The following EYA1 variants were observed in gnomAD, a reference collection of about 807,000 sequenced individuals.
The protein encoded by EYA1 is protein phosphatase EYA1.
In EYA1, 16 loss-of-function variants were observed where a neutral mutation model predicts 82.0. The observed-to-expected ratio is 0.20, with a 90% CI of 0.13 to 0.30. The LOEUF (loss-of-function observed/expected upper bound fraction) is 0.30. EYA1 is among the 10% of genes least tolerant of loss of function. EYA1 has a pLI of 1.00. For missense variants in EYA1, 633 were observed against 730.7 expected (o/e 0.87, Z 1.54); for synonymous variants, 261 against 264.4 (o/e 0.99, Z 0.12).
intron 2 of EYA1, among the ~76,000 whole-genome samples, chr8:71,396,823 G>T (rs1563569828): frequency 6.6e-6 from 1 of 152,186 alleles, no homozygotes. Context: ...GCAGAGCTGA[G>T]TTCAATTCCT....
At chr8:71,491,262 C>T (rs184412380) in intron 2 of EYA1, among the ~76,000 whole-genome samples, 1 of 151,914 alleles carries the variant, frequency 6.6e-6, no homozygotes, top group East Asian at 1.9e-4. Context: ...TTAAAAAAAG[C>T]ACTAAGAGAA....
intron 2 of EYA1, among the ~76,000 whole-genome samples, chr8:71,422,246 C>A (rs1586686302): frequency 6.6e-6 from 1 of 152,284 alleles, no homozygotes; most frequent in Middle Eastern, 3.4e-3. Context: ...ATCTGGTGAG[C>A]TTTTCTGGGA....
In EYA1 at chr8:71,198,609, C is replaced by CA. The variant is rs1806539208; in HGVS notation, c.*730dup. ...ATTATCCATTATTACAAATTTACAC[C>CA]AAAAATTCTTTCTGTACATGATTGT... On this transcript the variant is annotated 3_prime_UTR_variant, in exon 18 of 18. Transcript: ENST00000340726. 6.6e-6 allele frequency: 1 copy of CA among 152,536 alleles called. No homozygotes were observed. The highest frequency in any genetic ancestry group is 2.4e-5 in the African/African-American group (1 of 41,406). 9.4% of individuals were successfully genotyped at this position (152,536 alleles called of 1,614,324 possible).
At chr8:71,526,185 C>T (rs2129276955) in intron 2 of EYA1, among the ~76,000 whole-genome samples, 1 of 150,848 alleles carries the variant, frequency 6.6e-6, no homozygotes, top group Middle Eastern at 3.5e-3. Context: ...ATAGATTCTG[C>T]ATAAAACAGG....
intron 17 of EYA1, among the ~76,000 whole-genome samples, chr8:71,207,343 G>A (rs187217603): frequency 2.6e-5 from 4 of 152,230 alleles, no homozygotes; most frequent in Non-Finnish European, 5.9e-5. Context: ...GAAAAGGCTA[G>A]ACAAAAATTC....
At chr8:71,236,579 T>C (rs568401732) in intron 12 of EYA1, among the ~76,000 whole-genome samples, 119 of 152,146 alleles carry the variant, frequency 7.8e-4, no homozygotes, top group Non-Finnish European at 1.4e-3. Context: ...GGGGGGTGGG[T>C]ATATTATGGG....
At chr8:71,296,383 G>T (rs1819595775) in intron 9 of EYA1, among the ~76,000 whole-genome samples, 1 of 150,836 alleles carries the variant, frequency 6.6e-6, no homozygotes, top group Non-Finnish European at 1.5e-5. Flanking sequence ...TTACATGTTT[G>T]CCCTGAAAAA....
chr8:71,346,540 A>G (rs1414221014), intron 3 of EYA1, among the ~76,000 whole-genome samples: 1 of 150,596 alleles, frequency 6.6e-6, no homozygotes, highest in Admixed American at 6.7e-5. Flanking sequence ...CCATCTACAC[A>G]CTAACCCTAA....
intron 1 of EYA1, among the ~76,000 whole-genome samples, chr8:71,357,615 TG>T (rs1827013420): frequency 6.6e-6 from 1 of 152,218 alleles, no homozygotes; most frequent in Non-Finnish European, 1.5e-5. Flanking sequence ...GCATCTCGAA[TG>T]GCATTACAGT....
intron 4 of EYA1, among the ~76,000 whole-genome samples, chr8:71,324,572 C>T (rs1209607525): frequency 6.6e-6 from 1 of 152,192 alleles, no homozygotes; most frequent in African/African-American, 2.4e-5. Flanking sequence ...CAACTCTACT[C>T]AGTGGACTGC....
rs371776719 is a variant in EYA1, at chr8:71,228,547, C to A, written c.1141-11524G>T. Among the ~76,000 whole-genome samples the A allele has an allele frequency of 2.6e-4, 39 of 152,212 alleles. 1 individual carries two copies. In the East Asian group the frequency reaches 5.4e-3, roughly 21 times the overall value. On this transcript the variant is annotated intron_variant, in intron 12 of 17. Coordinates refer to ENST00000340726, the MANE Select transcript of EYA1 (RefSeq NM_000503.6). ...AGTATAATTTAGAGCTATAAATAAT[C>A]ATGCTTTGGTTGTTTATATGTTATT...
chr8:71,416,687 C>G (rs1830870257), intron 2 of EYA1, among the ~76,000 whole-genome samples: 1 of 152,150 alleles, frequency 6.6e-6, no homozygotes. Context: ...CTTGGACTGG[C>G]AGCCTCAGCA....
At chr8:71,299,763 G>T in intron 7 of EYA1, 43 bp from the exon 8 acceptor site, 1 of 1,024,070 alleles carries the variant, frequency 9.8e-7, no homozygotes, top group South Asian at 1.3e-5. Context: ...CAGGCTTGTG[G>T]AATAATGTGG....
intron 2 of EYA1, among the ~76,000 whole-genome samples, chr8:71,414,389 G>C (rs1221999944): frequency 1.3e-5 from 2 of 152,182 alleles, no homozygotes; most frequent in Non-Finnish European, 2.9e-5. Flanking sequence ...AGAATTATCT[G>C]AGTCTCTTCA....
At chr8:71,485,125 T>C (rs1481694981) in intron 2 of EYA1, among the ~76,000 whole-genome samples, 4 of 152,222 alleles carry the variant, frequency 2.6e-5, no homozygotes, top group African/African-American at 9.7e-5. Context: ...ATGTTAAAGT[T>C]TGTGATTTAT....
chr8:71,230,329 A>G (rs1811046629), intron 12 of EYA1, among the ~76,000 whole-genome samples: 1 of 152,232 alleles, frequency 6.6e-6, no homozygotes, highest in South Asian at 2.1e-4. Context: ...GATCTAAACC[A>G]AAAGCCTGTC....
intron 2 of EYA1, among the ~76,000 whole-genome samples, chr8:71,418,047 T>C (rs1830948982): frequency 6.6e-6 from 1 of 152,200 alleles, no homozygotes; most frequent in Non-Finnish European, 1.5e-5. Context: ...TCTTGCCTCA[T>C]CTACTAAGTA....
At chr8:71,254,604 C>A (rs1343296724) in intron 11 of EYA1, among the ~76,000 whole-genome samples, 1 of 151,978 alleles carries the variant, frequency 6.6e-6, no homozygotes, top group Admixed American at 6.6e-5. Context: ...TATGAAAAGC[C>A]CACAACGAAC....
chr8:71,442,508 A>G (rs1806502721), intron 2 of EYA1, among the ~76,000 whole-genome samples: 1 of 152,230 alleles, frequency 6.6e-6, no homozygotes, highest in African/African-American at 2.4e-5. Flanking sequence ...ATTCCGCTTC[A>G]TCTCAGGATG....
Sources: gnomAD v4.1 joint callset for allele counts (sites outside exome capture counted in the v4.1 genomes callset) on GRCh38, gnomAD v4.1.1 for gene constraint, MANE v1.5 for transcripts, NCBI Gene and HGNC (gene_info 2026-07-23, HGNC 2026-07-21) for gene names.